Variants in ASIC2 observed in about 807,000 individuals in gnomAD.
ASIC2 encodes the protein acid-sensing ion channel 2.
In ASIC2, 25 loss-of-function variants were observed where a neutral mutation model predicts 57.3. The ratio of observed to expected loss-of-function variants is 0.44; its 90% CI spans 0.32 to 0.61. The LOEUF is 0.61. Among genes scored for constraint, ASIC2 ranks in the 20% least tolerant of loss-of-function variants. The pLI is 0.06. For synonymous variants in ASIC2, 319 were observed against 307.5 expected (o/e 1.04, Z -0.39); for missense variants, 641 against 738.1 (o/e 0.87, Z 1.52).
chr17:34,034,007 T>G (rs143153371), intron 1 of ASIC2, among the ~76,000 whole-genome samples: 7,647 of 152,260 alleles, frequency 0.05, 640 homozygotes, highest in African/African-American at 0.17. Flanking sequence ...CCTAACTCAT[T>G]TTATGAGGCC....
intron 1 of ASIC2, among the ~76,000 whole-genome samples, chr17:33,492,313 G>A (rs1348599062): frequency 3.9e-5 from 6 of 152,200 alleles, no homozygotes; most frequent in Admixed American, 3.9e-4. Context: ...TTGGGTCCTG[G>A]TGCTGCTACT....
chr17:33,149,482 CATT>C (rs1178468575), intron 1 of ASIC2, among the ~76,000 whole-genome samples: 6 of 152,158 alleles, frequency 3.9e-5, no homozygotes, highest in African/African-American at 1.2e-4. Context: ...ATTCTTTCAT[CATT>C]GAGTGAAGAG....
At chr17:33,863,471 A>G (rs1230566759) in intron 1 of ASIC2, among the ~76,000 whole-genome samples, 2 of 152,238 alleles carry the variant, frequency 1.3e-5, no homozygotes, top group Non-Finnish European at 2.9e-5. Context: ...TGGGAATGAC[A>G]TGGCCAAACA....
At chr17:33,226,260 C>T (rs1268598467) in intron 1 of ASIC2, among the ~76,000 whole-genome samples, 2 of 152,082 alleles carry the variant, frequency 1.3e-5, no homozygotes, top group Non-Finnish European at 2.9e-5. Context: ...TAAGCTCATG[C>T]TAATATTTAT....
chr17:33,867,251 G>A (rs1914266221), intron 1 of ASIC2, among the ~76,000 whole-genome samples: 1 of 139,760 alleles, frequency 7.2e-6, no homozygotes, highest in African/African-American at 2.5e-5. Context: ...CAGGCTGGCT[G>A]AAGTTTCCCC....
intron 7 of ASIC2, among the ~76,000 whole-genome samples, chr17:33,021,009 T>G (rs930723981): frequency 2.0e-5 from 3 of 152,112 alleles, no homozygotes; most frequent in Non-Finnish European, 2.9e-5. Context: ...GGGGAATAAA[T>G]TGGGCCTGAA....
At chr17:33,529,406 C>G (rs1914982162) in intron 1 of ASIC2, among the ~76,000 whole-genome samples, 1 of 152,124 alleles carries the variant, frequency 6.6e-6, no homozygotes, top group African/African-American at 2.4e-5. Flanking sequence ...ATGTGTGCTC[C>G]CTGGGCCAGC....
intron 1 of ASIC2, among the ~76,000 whole-genome samples, chr17:33,640,647 C>T (rs1046045079): frequency 4.6e-5 from 7 of 152,214 alleles, no homozygotes; most frequent in African/African-American, 1.7e-4. Flanking sequence ...GCCTCACAGG[C>T]CCTGTTGAGT....
At chr17:33,145,329 G>T (rs142991622) in intron 1 of ASIC2, among the ~76,000 whole-genome samples, 1 of 152,312 alleles carries the variant, frequency 6.6e-6, no homozygotes, top group African/African-American at 2.4e-5. Context: ...CACCAGCGTT[G>T]CCATGCACCT....
chr17:33,319,023 C>T lies in ASIC2; in HGVS notation c.556-206956G>A, dbSNP rs116271532. The stretch of plus-strand genomic sequence containing the variant: ...CTCACGCCTGTAATCCCAGCACTTT[C>T]GGAAGCTGAGGTGAGCAGATCCCTT... On this transcript the variant is annotated intron_variant, in intron 1 of 9. Transcript: ENST00000359872. 8.4e-3 allele frequency among the ~76,000 whole-genome samples: 1,281 copies of T among 152,260 alleles called. 13 individuals are homozygous for T. The highest frequency in any genetic ancestry group is 0.023 in the African/African-American group (938 of 41,566).
chr17:33,751,952 TG>T (rs1421825891), intron 1 of ASIC2, among the ~76,000 whole-genome samples: 2 of 2,098 alleles, frequency 9.5e-4, no homozygotes, highest in Admixed American at 0.01. Context: ...GGGTGAGGGG[TG>T]GGGTGGGGGT....
chr17:34,154,983 T>C (rs1291763677), intron 1 of ASIC2, among the ~76,000 whole-genome samples: 2 of 152,080 alleles, frequency 1.3e-5, no homozygotes, highest in African/African-American at 2.4e-5. Context: ...GCAGCAACAG[T>C]GCTCCTCTCG....
intron 2 of ASIC2, among the ~76,000 whole-genome samples, chr17:33,095,837 A>G (rs1445176082): frequency 6.6e-6 from 1 of 152,220 alleles, no homozygotes; most frequent in Non-Finnish European, 1.5e-5. Flanking sequence ...CATGTGGCTT[A>G]ATCCCTGGGG....
intron 2 of ASIC2, among the ~76,000 whole-genome samples, chr17:33,099,469 T>C (rs1305234027): frequency 6.6e-6 from 1 of 152,166 alleles, no homozygotes; most frequent in Non-Finnish European, 1.5e-5. Flanking sequence ...AGATAGTTAA[T>C]GTTAGGTCTT....
intron 3 of ASIC2, among the ~76,000 whole-genome samples, chr17:33,038,058 T>G (rs560089860): frequency 2.4e-4 from 37 of 152,274 alleles, no homozygotes; most frequent in African/African-American, 7.5e-4. Context: ...GAATGACCCA[T>G]GCAGAACCTC....
intron 1 of ASIC2, among the ~76,000 whole-genome samples, chr17:33,404,411 C>T (rs971048736): frequency 6.6e-6 from 1 of 152,136 alleles, no homozygotes; most frequent in African/African-American, 2.4e-5. Flanking sequence ...AGACTAAGAG[C>T]CAGGGCTCAG....
At chr17:33,914,407 T>C (rs1367875582) in intron 1 of ASIC2, among the ~76,000 whole-genome samples, 7 of 152,150 alleles carry the variant, frequency 4.6e-5, no homozygotes, top group Non-Finnish European at 7.4e-5. Context: ...GGTCTGTGGT[T>C]CCCTTCAATT....
chr17:34,105,637 T>C (rs1250379909), intron 1 of ASIC2, among the ~76,000 whole-genome samples: 2 of 151,950 alleles, frequency 1.3e-5, no homozygotes, highest in African/African-American at 4.8e-5. Flanking sequence ...TGGATACTAG[T>C]TAATAATTAC....
chr17:34,131,146 C>T (rs886734845), intron 1 of ASIC2, among the ~76,000 whole-genome samples: 38 of 151,942 alleles, frequency 2.5e-4, no homozygotes, highest in Admixed American at 1.8e-3. Context: ...TATATTACGG[C>T]AGAGTTAGGC....
Sources: gnomAD v4.1 joint callset for allele counts (sites outside exome capture counted in the v4.1 genomes callset) on GRCh38, gnomAD v4.1.1 for gene constraint, MANE v1.5 for transcripts, NCBI Gene and HGNC (gene_info 2026-07-23, HGNC 2026-07-21) for gene names.